The following ZNF318 variants were observed in gnomAD, a reference collection of about 807,000 sequenced individuals.
ZNF318 encodes the protein zinc finger protein 318, also known as endocrine regulator.
Under a neutral mutation model 124.2 loss-of-function variants are expected in ZNF318, and 51 were observed. That is an observed-to-expected ratio of 0.41 (90% CI 0.33 to 0.52). ZNF318 has a LOEUF of 0.52. ZNF318 is among the 20% of genes least tolerant of loss of function. The pLI, the probability that ZNF318 is intolerant of heterozygous loss-of-function variation, is 0.23. For synonymous variants in ZNF318, 1,090 were observed against 1,040.7 expected (o/e 1.05, Z -0.91); for missense variants, 2,815 against 2,811.2 (o/e 1.00, Z -0.03).
At chr6:43,352,574 T>G in intron 4 of ZNF318, 98 bp from the exon 5 acceptor site, 1 of 1,113,542 alleles carries the variant, frequency 9.0e-7, no homozygotes, top group Non-Finnish European at 1.3e-6. Flanking sequence ...TATCTGAATG[T>G]AAGGATCCAA....
In ZNF318 at chr6:43,337,321, T is replaced by G. The variant is rs142788741; in HGVS notation, c.6677A>C (p.Asp2226Ala). The G allele has an allele frequency of 1.3e-5, 21 of 1,614,072 alleles. No individual in the cohort carries two copies. The highest frequency in any genetic ancestry group is 1.6e-5 in the Non-Finnish European group (19 of 1,180,034). The change falls in exon 10 of 10, where the codon GAT (aspartate) becomes GCT (alanine). Residue 2226 changes from aspartate to alanine, a missense_variant. Physicochemically the swap from Asp to Ala is moderately radical, Grantham distance 126. Coordinates refer to ENST00000361428, the MANE Select transcript of ZNF318 (RefSeq NM_014345.3). ...STTEVAILQV[D>A]DDSGDPLNLV... is the part of the protein sequence containing the mutation. ...ATTCAGAGGGTCGCCACTGTCATCATCTACTTGCAGAATTGCCACCTCTGT... is the reference window on the plus strand; with the variant it reads ...ATTCAGAGGGTCGCCACTGTCATCAGCTACTTGCAGAATTGCCACCTCTGT...
chr6:43,355,499 G>C lies in ZNF318; in HGVS notation c.1835C>G (p.Ala612Gly), dbSNP rs1395615258. ...ATGAAGTCGTTCCTGGGTGCGTGCA[G>C]CCAATTGACTAATCTCTGCTACTCC... ...DIGVAEISQL[A>G]ARTQERLHGK... Residue 612 changes from alanine (A) to glycine (G), a missense_variant, in exon 4 of 10, where the codon GCT becomes GGT. By Grantham distance (60) the Ala-to-Gly change is moderately conservative (BLOSUM62 0). Coordinates refer to ENST00000361428, the MANE Select transcript of ZNF318 (RefSeq NM_014345.3). 5.0e-6 allele frequency: 8 copies of C among 1,614,078 alleles called. No homozygotes were observed. Among genetic ancestry groups the C allele is most frequent in the Non-Finnish European group, 6.8e-6 (8 of 1,180,048 alleles).
At chr6:43,361,052 C>T (rs182618408) in intron 2 of ZNF318, among the ~76,000 whole-genome samples, 1 of 152,288 alleles carries the variant, frequency 6.6e-6, no homozygotes, top group African/African-American at 2.4e-5. Flanking sequence ...CTGAACTGTA[C>T]ACTTCAAATG....
At chr6:43,347,543 G>A (rs945739533) in intron 6 of ZNF318, among the ~76,000 whole-genome samples, 1 of 152,174 alleles carries the variant, frequency 6.6e-6, no homozygotes, top group African/African-American at 2.4e-5. Context: ...GCCATTCATT[G>A]AGAATGCATA....
chr6:43,347,844 A>G (rs1367309244), intron 6 of ZNF318, among the ~76,000 whole-genome samples: 2 of 152,230 alleles, frequency 1.3e-5, no homozygotes, highest in East Asian at 1.9e-4. Flanking sequence ...AAGGATACTA[A>G]GCAGGAGCAT....
chr6:43,340,015 G>C lies in ZNF318; in HGVS notation c.3983C>G (p.Thr1328Ser), dbSNP rs113248806. 1 of 1,614,108 alleles carries C rather than the reference G, an allele frequency of 6.2e-7. No individual in the cohort carries two copies. Among genetic ancestry groups the C allele is most frequent in the African/African-American group, 1.3e-5 (1 of 74,932 alleles). ...CCAAGGGCTGGTATGTGCAACAACA[G>C]TTTTCCCAGAGAGCTTGATTTTGAT... ...KPIKIKLSGK[T>S]VVAHTSPWMP... The change falls in exon 10 of 10, where the codon ACT becomes AGT. Residue 1328 changes from threonine (T) to serine (S), a missense_variant. This residue lies in a region of ZNF318 where 500 missense variants were observed against 605.2 expected (regional missense o/e 0.83). Transcript: ENST00000361428.
chr6:43,339,630 G>C lies in ZNF318; in HGVS notation c.4368C>G (p.Pro1456=). Residue 1456 remains proline (P), a synonymous_variant, in exon 10 of 10, where the codon CCC becomes CCG. Transcript: ENST00000361428. This position sits in a 1 kb window ranked among gnomAD's most constrained non-coding sequence, Gnocchi z 4.2. ...ACGGGGCAGCTGGATGAGGTATAAC[G>C]GGGGGTGGTGGAGGTGGTGGAGGTG... The part of the protein sequence containing the change: ...PPPPPPPPPP[P]VIPHPAAPSA... 6.2e-7 allele frequency: 1 copy of C among 1,612,832 alleles called. No homozygotes were observed. Among genetic ancestry groups the C allele is most frequent in the Non-Finnish European group, 8.5e-7 (1 of 1,179,668 alleles).
intron 4 of ZNF318, 40 bp downstream of exon 4, chr6:43,354,624 C>CAG: frequency 6.5e-7 from 1 of 1,530,494 alleles, no homozygotes; most frequent in Non-Finnish European, 8.8e-7. Flanking sequence ...TATGGCAAAA[C>CAG]AGAAAACTCA....
chr6:43,365,283 G>T lies in ZNF318; in HGVS notation c.548+9C>A. On this transcript the variant is annotated intron_variant, in intron 2 of 9. Coordinates refer to ENST00000361428, the MANE Select transcript of ZNF318 (RefSeq NM_014345.3). Reference sequence around the variant, plus strand: ...TAGTATAGTAGGCCCTGCCTTAGGTGATGCCTACCTGTCCATGTCTTCCAG... The same window carrying T: ...TAGTATAGTAGGCCCTGCCTTAGGTTATGCCTACCTGTCCATGTCTTCCAG... 5 of 1,612,876 alleles carry T rather than the reference G, an allele frequency of 3.1e-6. No homozygotes were observed. Among genetic ancestry groups the T allele is most frequent in the Non-Finnish European group, 4.2e-6 (5 of 1,179,144 alleles).
rs1304609620 is a variant in ZNF318 at position 43,369,573 on chromosome 6, C to G, written c.-208G>C. On this transcript the variant is annotated 5_prime_UTR_variant, in exon 1 of 10. Transcript: ENST00000361428. The stretch of plus-strand genomic sequence containing the variant: ...GCGGCTGGCGGTTGGAGGGCGCGAG[C>G]ACGCGTCCGACACACCCCCCCCCGC... 2.3e-5 allele frequency: 4 copies of G among 170,424 alleles called. No individual in the cohort carries two copies. The East Asian group carries it at 7.7e-4, about 33-fold the overall frequency. The allele number at this position is 170,424 out of a possible 1,614,324, so 10.6% of individuals were successfully genotyped here.
Position 43,355,451 on chromosome 6 carries a change from G to A in ZNF318, c.1883C>T (p.Ser628Phe), listed in dbSNP as rs1779593030. The A allele has an allele frequency of 2.5e-6, 4 of 1,614,192 alleles. No individual in the cohort carries two copies. The Admixed American group carries it at 5.0e-5, about 20-fold the overall frequency. ...AACTGAGGAACGGCGGTCAGCTGAG[G>A]AGCGTAATGATGGCTTCTTGCCATG... The part of the protein sequence containing the change: ...RLHGKKPSLR[S>F]SADRRSSVDR... Residue 628 changes from serine to phenylalanine, a missense_variant, in exon 4 of 10, where the codon TCC becomes TTC. Coordinates refer to ENST00000361428, the MANE Select transcript of ZNF318 (RefSeq NM_014345.3).
intron 6 of ZNF318, among the ~76,000 whole-genome samples, chr6:43,347,910 T>C (rs1163407957): frequency 6.6e-6 from 1 of 152,158 alleles, no homozygotes; most frequent in Non-Finnish European, 1.5e-5. Flanking sequence ...AGAGTATTTG[T>C]AGGAGAAAGT....
chr6:43,337,462 G>A lies in ZNF318; in HGVS notation c.6536C>T (p.Thr2179Ile). 3 of 1,614,148 alleles carry A rather than the reference G, an allele frequency of 1.9e-6. No individual in the cohort carries two copies. The highest frequency in any genetic ancestry group is 2.5e-6 in the Non-Finnish European group (3 of 1,180,014). ...LPDLVDFVTR[T>I]SGVQKDKLCS... ...CAGTTTATCTTTTTGAACTCCAGAGGTCCGTGTGACAAAGTCAACAAGGTC... is the reference window on the plus strand; with the variant it reads ...CAGTTTATCTTTTTGAACTCCAGAGATCCGTGTGACAAAGTCAACAAGGTC... The change falls in exon 10 of 10, where the codon ACC (threonine) becomes ATC (isoleucine). Residue 2179 changes from threonine to isoleucine, a missense_variant. This residue lies in a region of ZNF318 where 927 missense variants were observed against 820.6 expected (regional missense o/e 1.13). Transcript: ENST00000361428.
Position 43,355,245 on chromosome 6 carries a change from G to A in ZNF318, c.2089C>T (p.Pro697Ser), listed in dbSNP as rs1158555067. The A allele has an allele frequency of 2.0e-5, 33 of 1,614,092 alleles. No homozygotes were observed. In the South Asian group the frequency reaches 2.2e-4, roughly 11 times the overall value. The part of the protein sequence containing the change: ...HSPEVSHPHP[P>S]SPVDPYLLTK... ...AGCAGGTAAGGATCCACAGGAGAAGGTGGGTGTGGATGGGACACCTCTGGA... is the reference window on the plus strand; with the variant it reads ...AGCAGGTAAGGATCCACAGGAGAAGATGGGTGTGGATGGGACACCTCTGGA... The change falls in exon 4 of 10, where the codon CCT becomes TCT. Residue 697 changes from proline (P) to serine (S), a missense_variant. Transcript: ENST00000361428.
In ZNF318 at chr6:43,369,393, A is replaced by C. The variant is rs1302923763; in HGVS notation, c.-28T>G. ...TTCTTGCAGCGGCGGCCACGGCGAC[A>C]GCTCTGACCCGGGGGCGCCCTAGAC... On this transcript the variant is annotated 5_prime_UTR_variant, in exon 1 of 10. Coordinates refer to ENST00000361428, the MANE Select transcript of ZNF318 (RefSeq NM_014345.3). 4 of 1,204,056 alleles carry C rather than the reference A, an allele frequency of 3.3e-6. No homozygotes were observed. 74.6% of individuals were successfully genotyped at this position (1,204,056 alleles called of 1,614,324 possible). A position where few individuals can be genotyped will look rare whatever the true frequency, so the allele number is the denominator to read the frequency against.
At chr6:43,354,292 T>C (rs1386952758) in intron 4 of ZNF318, among the ~76,000 whole-genome samples, 1 of 152,204 alleles carries the variant, frequency 6.6e-6, no homozygotes, top group Non-Finnish European at 1.5e-5. Flanking sequence ...TTCACTGGGA[T>C]CAAACAGGTT....
Position 43,355,816 on chromosome 6 carries a change from A to G in ZNF318, c.1518T>C (p.Gly506=). The change falls in exon 4 of 10, where the codon GGT becomes GGC. Residue 506 remains glycine (G), a synonymous_variant. Coordinates refer to ENST00000361428, the MANE Select transcript of ZNF318 (RefSeq NM_014345.3). ...CCAACATGCTCAGAATGCGGGAAAA[A>G]CCACTGCCATCCTGGCTAGCTCTCT... ...PHERASQDGS[G]FSRILSMLAD... 3.1e-6 allele frequency: 5 copies of G among 1,614,168 alleles called. No individual in the cohort carries two copies. The highest frequency in any genetic ancestry group is 4.2e-6 in the Non-Finnish European group (5 of 1,180,030).
At chr6:43,358,748 G>A (rs1779644408) in intron 2 of ZNF318, among the ~76,000 whole-genome samples, 1 of 151,878 alleles carries the variant, frequency 6.6e-6, no homozygotes, top group African/African-American at 2.4e-5. Context: ...GTAGAGATGG[G>A]GTTTCACATG....
At chr6:43,363,770 G>A (rs1779719730) in intron 2 of ZNF318, 2 of 664,904 alleles carry the variant, frequency 3.0e-6, no homozygotes, top group South Asian at 3.5e-5. Flanking sequence ...ACCCACACTG[G>A]CCAGTTGAAA....
Sources: allele counts gnomAD v4.1 joint callset (sites outside exome capture counted in the v4.1 genomes callset), GRCh38; gene constraint gnomAD v4.1.1; regional missense constraint gnomAD v4.1.1; non-coding constraint Gnocchi (gnomAD v3.1); transcripts MANE v1.5; gene names NCBI Gene and HGNC (gene_info 2026-07-23, HGNC 2026-07-21).